The following EHBP1 variants were observed in gnomAD, a reference collection of about 807,000 sequenced individuals.
EHBP1 encodes the protein EH domain binding protein 1.
In EHBP1, 55 loss-of-function variants were observed where a neutral mutation model predicts 144.0. The ratio of observed to expected loss-of-function variants is 0.38; its 90% CI spans 0.31 to 0.48. The LOEUF (loss-of-function observed/expected upper bound fraction) is 0.48. EHBP1 is among the 20% of genes least tolerant of loss of function. The probability of loss-of-function intolerance (pLI) is 0.98; values close to 1 mark genes in which losing one functional copy is unlikely to be tolerated. For missense variants in EHBP1, 1,200 were observed against 1,364.2 expected (o/e 0.88, Z 1.90); for synonymous variants, 469 against 472.7 (o/e 0.99, Z 0.10).
intron 3 of EHBP1, among the ~76,000 whole-genome samples, chr2:62,751,721 A>T (rs1013053710): frequency 6.6e-6 from 1 of 152,130 alleles, no homozygotes; most frequent in African/African-American, 2.4e-5. Flanking sequence ...CGGAGGGTGT[A>T]TGTGTCCAGG....
At chr2:62,753,948 T>G (rs2040008185) in intron 3 of EHBP1, among the ~76,000 whole-genome samples, 1 of 152,198 alleles carries the variant, frequency 6.6e-6, no homozygotes, top group Non-Finnish European at 1.5e-5. Flanking sequence ...ACTTCCTCCT[T>G]TAGCTTGGAG....
intron 19 of EHBP1, among the ~76,000 whole-genome samples, chr2:63,025,601 A>T (rs1290072806): frequency 6.6e-6 from 1 of 152,236 alleles, no homozygotes; most frequent in Non-Finnish European, 1.5e-5. Context: ...AAAGGACATT[A>T]CAACACAAGG....
chr2:62,763,290 G>A (rs925894635), intron 3 of EHBP1, among the ~76,000 whole-genome samples: 2 of 151,390 alleles, frequency 1.3e-5, no homozygotes, highest in Non-Finnish European at 2.9e-5. Context: ...TTCTGTTTGT[G>A]TTCTCTTCCT....
chr2:62,832,489 G>A (rs1353960797), intron 7 of EHBP1, among the ~76,000 whole-genome samples: 1 of 120,188 alleles, frequency 8.3e-6, no homozygotes, highest in Non-Finnish European at 1.7e-5. Flanking sequence ...ACCCTACATT[G>A]AGCAAGTCTA....
At chr2:62,972,801 A>G (rs1019952029) in intron 14 of EHBP1, among the ~76,000 whole-genome samples, 6 of 152,096 alleles carry the variant, frequency 3.9e-5, no homozygotes, top group Admixed American at 3.9e-4. Flanking sequence ...GTGTCCATAA[A>G]CTTTGTTTAC....
rs1287510601 is a variant in EHBP1 at position 62,874,438 on chromosome 2, G to C, written c.1091G>C (p.Arg364Thr). 1.9e-6 allele frequency: 3 copies of C among 1,613,754 alleles called. No individual in the cohort carries two copies. The South Asian group carries it at 3.3e-5, about 18-fold the overall frequency. ...CTAGAAACTGAAAGGCGAGTGAAAA[G>C]AAAGGCCCCGGCTCCACCAGTCCTC... ...QELETERRVK[R>T]KAPAPPVLSP... Residue 364 changes from arginine to threonine, a missense_variant, in exon 10 of 23, where the codon AGA becomes ACA. Physicochemically the swap from Arg to Thr is moderately conservative, Grantham distance 71 (BLOSUM62 -1). Coordinates refer to ENST00000431489, the MANE Select transcript of EHBP1 (RefSeq NM_001142616.3).
rs1291352394 is a variant in EHBP1 at position 62,826,087 on chromosome 2, G to T, written c.313G>T (p.Glu105Ter). ...DKEWTFVIENESPSGRRKALA... is the reference protein window; with the variant it reads ...DKEWTFVIEN ...ACTTTTTTTTTCTTTAATCTTCCAG[G>T]AATCCCCTTCTGGTCGAAGGAAAGC... The change falls in exon 6 of 23, where the codon GAA becomes TAA. Residue 105 changes from glutamate to a stop codon, truncating the protein, a stop_gained and splice_region_variant. Coordinates refer to ENST00000431489, the MANE Select transcript of EHBP1 (RefSeq NM_001142616.3). LOFTEE classifies it high-confidence loss of function. 1.4e-6 allele frequency: 2 copies of T among 1,442,184 alleles called. No individual in the cohort carries two copies. The highest frequency in any genetic ancestry group is 1.6e-5 in the South Asian group (1 of 61,394). The allele number at this position is 1,442,184 out of a possible 1,614,324, so 89.3% of individuals were successfully genotyped here.
At chr2:62,879,114 C>A (rs1312441415) in intron 10 of EHBP1, among the ~76,000 whole-genome samples, 3 of 151,426 alleles carry the variant, frequency 2.0e-5, no homozygotes, top group African/African-American at 4.9e-5. Flanking sequence ...AAACCCTTAA[C>A]AAACTAGGTA....
At chr2:62,682,137 A>G (rs2033552170) in intron 1 of EHBP1, among the ~76,000 whole-genome samples, 1 of 152,244 alleles carries the variant, frequency 6.6e-6, no homozygotes, top group South Asian at 2.1e-4. Flanking sequence ...CTGGATAGCC[A>G]TTTAGGAAGG....
chr2:62,996,361 AT>A (rs570532267), intron 18 of EHBP1, among the ~76,000 whole-genome samples: 19 of 150,242 alleles, frequency 1.3e-4, no homozygotes, highest in Middle Eastern at 3.4e-3. Flanking sequence ...TCTAAGGAGA[AT>A]TTTTTTTTTA....
chr2:62,979,047 C>A, intron 14 of EHBP1, 141 bp from the exon 15 acceptor site: 1 of 588,450 alleles, frequency 1.7e-6, no homozygotes, highest in Non-Finnish European at 2.7e-6. Context: ...AATGGTGTGA[C>A]ATCCAACTGA....
intron 14 of EHBP1, among the ~76,000 whole-genome samples, chr2:62,973,871 C>T (rs2058598934): frequency 6.6e-6 from 1 of 152,056 alleles, no homozygotes; most frequent in Admixed American, 6.5e-5. Context: ...TGGTGGCACA[C>T]ACCTGTGGTC....
At chr2:62,816,467 G>A (rs2045457920) in intron 5 of EHBP1, among the ~76,000 whole-genome samples, 1 of 152,142 alleles carries the variant, frequency 6.6e-6, no homozygotes, top group Non-Finnish European at 1.5e-5. Context: ...CAAATAAAGT[G>A]TATAAAGGGT....
chr2:62,952,760 T>C (rs2057457329), intron 13 of EHBP1, among the ~76,000 whole-genome samples: 1 of 152,222 alleles, frequency 6.6e-6, no homozygotes. Flanking sequence ...ACTTGATGCT[T>C]ATAACATCTT....
At chr2:63,026,294 T>G (rs901015564) in intron 19 of EHBP1, among the ~76,000 whole-genome samples, 11 of 129,102 alleles carry the variant, frequency 8.5e-5, no homozygotes, top group South Asian at 3.0e-4. Context: ...GCTCTCTACC[T>G]TGTGTGTGTG....
intron 4 of EHBP1, among the ~76,000 whole-genome samples, chr2:62,768,531 TACCA>T (rs1354656810): frequency 6.6e-6 from 1 of 152,054 alleles, no homozygotes; most frequent in East Asian, 1.9e-4. Flanking sequence ...ATAAATGGCC[TACCA>T]ACCAAAAAAA....
intron 8 of EHBP1, among the ~76,000 whole-genome samples, chr2:62,863,920 C>T (rs1367069331): frequency 5.2e-5 from 7 of 133,996 alleles, no homozygotes; most frequent in African/African-American, 1.9e-4. Context: ...AGTCTCAGCT[C>T]ACTGTAATCT....
In EHBP1 at chr2:62,844,977, T is replaced by G. The variant is rs1428451658; in HGVS notation, c.634+13819T>G. ...GTCTTCACAGCAATCTGAATACTGT[T>G]GTTTATCCCCTACCACCAAATGACA... On this transcript the variant is annotated intron_variant, in intron 7 of 22. Coordinates refer to ENST00000431489, the MANE Select transcript of EHBP1 (RefSeq NM_001142616.3). Among the ~76,000 whole-genome samples the G allele has an allele frequency of 2.0e-5, 3 of 152,184 alleles. No homozygotes were observed. In the East Asian group the frequency reaches 5.8e-4, roughly 29 times the overall value.
upstream of EHBP1, among the ~76,000 whole-genome samples, chr2:62,701,470 A>T (rs1400432330): frequency 1.3e-5 from 2 of 152,212 alleles, no homozygotes; most frequent in Non-Finnish European, 2.9e-5. Flanking sequence ...CTCTAACAGG[A>T]TTCCATTTCA....
Sources: gnomAD v4.1 joint callset for allele counts (sites outside exome capture counted in the v4.1 genomes callset) on GRCh38, gnomAD v4.1.1 for gene constraint, MANE v1.5 for transcripts, NCBI Gene and HGNC (gene_info 2026-07-23, HGNC 2026-07-21) for gene names.